Variants in PAX2 observed in about 807,000 individuals in gnomAD.
The protein encoded by PAX2 is paired box 2.
PAX2 carries 9 observed loss-of-function variants against 41.7 expected under a neutral mutation model. The ratio of observed to expected loss-of-function variants is 0.22; its 90% CI spans 0.13 to 0.38. PAX2 has a LOEUF of 0.38. PAX2 is among the 10% of genes least tolerant of loss of function. The pLI, the probability that PAX2 is intolerant of heterozygous loss-of-function variation, is 1.00. For synonymous variants in PAX2, 221 were observed against 212.7 expected (o/e 1.04, Z -0.34); for missense variants, 418 against 531.6 (o/e 0.79, Z 2.10).
chr10:100,814,209 G>A (rs1044861496), intron 7 of PAX2, among the ~76,000 whole-genome samples: 6 of 151,840 alleles, frequency 4.0e-5, no homozygotes, highest in Admixed American at 2.0e-4. Flanking sequence ...AAAATTAGCC[G>A]GGCGTGGTGG....
At chr10:100,787,292 A>G (rs1368383571) in intron 5 of PAX2, among the ~76,000 whole-genome samples, 2 of 152,206 alleles carry the variant, frequency 1.3e-5, no homozygotes, top group African/African-American at 4.8e-5. Context: ...GGAAAAACAA[A>G]GAGCAGATCG....
chr10:100,814,074 C>A (rs540431308), intron 7 of PAX2, among the ~76,000 whole-genome samples: 1 of 152,112 alleles, frequency 6.6e-6, no homozygotes, highest in East Asian at 1.9e-4. Context: ...AGGGGCCGGG[C>A]GCGGTGGCTC....
intron 3 of PAX2, among the ~76,000 whole-genome samples, chr10:100,772,314 C>T (rs913906018): frequency 5.9e-5 from 9 of 152,048 alleles, no homozygotes; most frequent in African/African-American, 1.9e-4. Context: ...ACACCCTGCC[C>T]GGCTAATTTT....
At chr10:100,767,237 C>A (rs11812878) in intron 3 of PAX2, among the ~76,000 whole-genome samples, 1 of 152,122 alleles carries the variant, frequency 6.6e-6, no homozygotes. Context: ...CTCCTGCACA[C>A]CCAGCAGAAA....
At chr10:100,753,252 A>G (rs1438686013) in intron 3 of PAX2, among the ~76,000 whole-genome samples, 2 of 152,178 alleles carry the variant, frequency 1.3e-5, no homozygotes, top group Non-Finnish European at 2.9e-5. Context: ...GAATCCTCTC[A>G]TGGTTCATAT....
At chr10:100,743,523 A>C (rs1053042183), upstream of PAX2, among the ~76,000 whole-genome samples, 2 of 152,090 alleles carry the variant, frequency 1.3e-5, no homozygotes, top group Non-Finnish European at 1.5e-5. Context: ...GGCAAAGGTT[A>C]CTTTAGTTCT....
intron 3 of PAX2, among the ~76,000 whole-genome samples, chr10:100,753,802 CAT>C (rs1442650340): frequency 6.6e-6 from 1 of 152,206 alleles, no homozygotes; most frequent in Non-Finnish European, 1.5e-5. Flanking sequence ...ATGGTTTTGG[CAT>C]TCTCTGATTC....
At chr10:100,742,898 C>CCCA (rs1408866842), upstream of PAX2, among the ~76,000 whole-genome samples, 1 of 117,846 alleles carries the variant, frequency 8.5e-6, no homozygotes, top group Non-Finnish European at 1.7e-5. Context: ...CTTGCTTCCC[C>CCCA]CCACCCCTCT....
chr10:100,740,099 C>T (rs544426182), intron 1 of PAX2, among the ~76,000 whole-genome samples: 1 of 152,370 alleles, frequency 6.6e-6, no homozygotes, highest in East Asian at 1.9e-4. Context: ...CTGGCTTTGA[C>T]TGATTAACTG....
Position 100,746,173 on chromosome 10 carries a change from C to G in PAX2, c.-88C>G. ...TCACTCATCCTCCCTCCCCCACCGT[C>G]CCTCCCTTTTCTCCTCAAGTCCTGA... On this transcript the variant is annotated 5_prime_UTR_variant, in exon 1 of 10. Transcript: ENST00000355243. 6.2e-7 allele frequency: 1 copy of G among 1,607,236 alleles called. No individual in the cohort carries two copies. The highest frequency in any genetic ancestry group is 8.5e-7 in the Non-Finnish European group (1 of 1,176,520).
intron 5 of PAX2, among the ~76,000 whole-genome samples, chr10:100,801,901 T>G (rs1847578290): frequency 6.6e-6 from 1 of 152,258 alleles, no homozygotes; most frequent in South Asian, 2.1e-4. Flanking sequence ...ACAAGCTACT[T>G]AACCTCTCTT....
At chr10:100,770,166 T>C (rs778863984) in intron 3 of PAX2, among the ~76,000 whole-genome samples, 1 of 152,208 alleles carries the variant, frequency 6.6e-6, no homozygotes, top group African/African-American at 2.4e-5. Flanking sequence ...GCCCTACATC[T>C]GCTGCTGCTC....
At chr10:100,782,277 A>C (rs56131066) in intron 5 of PAX2, among the ~76,000 whole-genome samples, 23,633 of 152,244 alleles carry the variant, frequency 0.16, 2,244 homozygotes, top group Middle Eastern at 0.3. Context: ...AACAATGAGC[A>C]TAAAGGGGTG....
chr10:100,813,384 G>T (rs1848067048), intron 7 of PAX2, among the ~76,000 whole-genome samples: 1 of 152,214 alleles, frequency 6.6e-6, no homozygotes, highest in Admixed American at 6.5e-5. Context: ...TTAATACGCA[G>T]CAAATCTCAC....
rs375638389 is a variant in PAX2 at position 100,827,619 on chromosome 10, G to A, written c.1185G>A (p.Ter395=). 4.6e-5 allele frequency: 74 copies of A among 1,614,008 alleles called. No homozygotes were observed. The Middle Eastern group carries it at 8.3e-4, about 18-fold the overall frequency. ...AAAAAAYDRH[*] is the part of the protein sequence containing the mutation. ...CTGCCGCTGCCTATGACCGCCACTAGTTACCGCGGGGACCACATCAAGCTT... is the reference window on the plus strand; with the variant it reads ...CTGCCGCTGCCTATGACCGCCACTAATTACCGCGGGGACCACATCAAGCTT... The change falls in exon 10 of 10, where the codon TAG becomes TAA. Residue 395 remains the stop codon, a stop_retained_variant. Transcript: ENST00000355243. The surrounding 1 kb of genome is among the most constrained non-coding windows in gnomAD (Gnocchi z 8.5).
intron 1 of PAX2, among the ~76,000 whole-genome samples, chr10:100,738,638 T>G (rs1844849146): frequency 1.3e-5 from 2 of 152,212 alleles, no homozygotes; most frequent in Admixed American, 1.3e-4. Flanking sequence ...GTATTCGTTA[T>G]CCGCGGGTCT....
At chr10:100,802,739 C>A (rs1252308972) in intron 5 of PAX2, among the ~76,000 whole-genome samples, 1 of 152,100 alleles carries the variant, frequency 6.6e-6, no homozygotes, top group African/African-American at 2.4e-5. Context: ...GGCTGCTGGG[C>A]CTGGGGGCAA....
At chr10:100,806,348 G>A (rs1847779834) in intron 5 of PAX2, 82 bp from the exon 6 acceptor site, 1 of 1,453,344 alleles carries the variant, frequency 6.9e-7, no homozygotes, top group South Asian at 1.1e-5. Context: ...CCCGGAACCA[G>A]ATGCCCACCT....
intron 1 of PAX2, chr10:100,747,184 C>G (rs1845216451): frequency 1.3e-5 from 2 of 152,206 alleles, no homozygotes; most frequent in Non-Finnish European, 2.9e-5. Flanking sequence ...GGCTCCTTGC[C>G]TAGACTGCCG....
Sources: allele counts gnomAD v4.1 joint callset (sites outside exome capture counted in the v4.1 genomes callset), GRCh38; gene constraint gnomAD v4.1.1; non-coding constraint Gnocchi (gnomAD v3.1); transcripts MANE v1.5; gene names NCBI Gene and HGNC (gene_info 2026-07-23, HGNC 2026-07-21).